The following TMEM132B variants were observed in gnomAD, a reference collection of about 807,000 sequenced individuals.
TMEM132B encodes the protein transmembrane protein 132B.
A neutral mutation model predicts 90.8 loss-of-function variants in TMEM132B; 18 were observed. The observed-to-expected ratio is 0.20, with a 90% CI of 0.14 to 0.29. The LOEUF is 0.29. TMEM132B is among the 10% of genes least tolerant of loss of function. The pLI is 1.00. For missense variants in TMEM132B, 1,096 were observed against 1,326.8 expected, an observed-to-expected ratio of 0.83 and a Z score of 2.70; for synonymous variants, 504 against 523.3, an observed-to-expected ratio of 0.96 and a Z score of 0.50.
intron 1 of TMEM132B, among the ~76,000 whole-genome samples, chr12:125,313,880 G>C (rs1001921466): frequency 6.6e-6 from 1 of 150,748 alleles, no homozygotes; most frequent in African/African-American, 2.4e-5. Context: ...ATTTTGCACC[G>C]GGCCCCGCAT....
intron 1 of TMEM132B, among the ~76,000 whole-genome samples, chr12:125,285,027 C>T (rs1215188028): frequency 6.6e-6 from 1 of 152,158 alleles, no homozygotes; most frequent in African/African-American, 2.4e-5. Context: ...GTAAGATACC[C>T]CACACCATCA....
intron 1 of TMEM132B, among the ~76,000 whole-genome samples, chr12:125,207,469 A>T (rs902181027): frequency 1.3e-5 from 2 of 152,160 alleles, no homozygotes; most frequent in African/African-American, 2.4e-5. Flanking sequence ...AGTGATGGAG[A>T]TCTTCTCTAG....
chr12:125,551,129 G>A (rs772517840), intron 4 of TMEM132B, among the ~76,000 whole-genome samples: 2 of 152,338 alleles, frequency 1.3e-5, no homozygotes, highest in East Asian at 3.9e-4. Flanking sequence ...CTGGTTTAAC[G>A]TGTGTATTCT....
intron 4 of TMEM132B, among the ~76,000 whole-genome samples, chr12:125,539,053 G>A (rs928513235): frequency 1.3e-5 from 2 of 152,108 alleles, no homozygotes; most frequent in South Asian, 2.1e-4. Context: ...TTCCACTCCC[G>A]TGTCATTGTC....
At chr12:125,326,811 C>A in intron 1 of TMEM132B, 1 of 836,422 alleles carries the variant, frequency 1.2e-6, no homozygotes, top group Non-Finnish European at 1.8e-6. Context: ...TCCGTGCACC[C>A]CTTCCTCTTG....
chr12:125,437,936 A>G (rs1247767300), intron 3 of TMEM132B, among the ~76,000 whole-genome samples: 1 of 152,190 alleles, frequency 6.6e-6, no homozygotes, highest in Admixed American at 6.5e-5. Context: ...TGCTTGCTTT[A>G]CAATGGTCAA....
intron 1 of TMEM132B, among the ~76,000 whole-genome samples, chr12:125,206,229 A>G (rs1224474305): frequency 6.6e-6 from 1 of 151,584 alleles, no homozygotes; most frequent in Non-Finnish European, 1.5e-5. Flanking sequence ...GGGGCCTATG[A>G]TTTTTTGTTT....
intron 3 of TMEM132B, among the ~76,000 whole-genome samples, chr12:125,434,470 T>C (rs538493179): frequency 1.4e-5 from 2 of 145,126 alleles, no homozygotes; most frequent in African/African-American, 5.1e-5. Context: ...GTCAGCTGGC[T>C]TCCATCTGGG....
chr12:125,520,949 T>C (rs1883292103), intron 4 of TMEM132B, among the ~76,000 whole-genome samples: 1 of 152,218 alleles, frequency 6.6e-6, no homozygotes, highest in South Asian at 2.1e-4. Flanking sequence ...TTGACCCACA[T>C]TGTGGTTTGA....
chr12:125,324,014 C>G (rs990723190), intron 1 of TMEM132B, among the ~76,000 whole-genome samples: 1 of 152,100 alleles, frequency 6.6e-6, no homozygotes, highest in Admixed American at 6.6e-5. Context: ...GTGAAATTTC[C>G]TTAGAAACAC....
chr12:125,366,794 A>G (rs1337669993), intron 2 of TMEM132B, among the ~76,000 whole-genome samples: 1 of 152,178 alleles, frequency 6.6e-6, no homozygotes, highest in African/African-American at 2.4e-5. Flanking sequence ...TGGAATGTCA[A>G]TTACACATAT....
intron 4 of TMEM132B, among the ~76,000 whole-genome samples, chr12:125,527,308 C>T (rs1883506322): frequency 8.4e-6 from 1 of 119,080 alleles, no homozygotes; most frequent in Non-Finnish European, 1.7e-5. Context: ...CCACCCTCCA[C>T]TCTTCCATCC....
intron 2 of TMEM132B, among the ~76,000 whole-genome samples, chr12:125,358,935 T>G (rs1256697337): frequency 6.6e-6 from 1 of 152,264 alleles, no homozygotes; most frequent in Non-Finnish European, 1.5e-5. Context: ...GTGAATATTG[T>G]AGAAGAATCT....
intron 1 of TMEM132B, among the ~76,000 whole-genome samples, chr12:125,243,381 A>G (rs2136095008): frequency 6.7e-6 from 1 of 150,236 alleles, no homozygotes. Flanking sequence ...ATCTTGGCTC[A>G]CTGCAACCTC....
chr12:125,279,777 A>C (rs994389697), intron 1 of TMEM132B, among the ~76,000 whole-genome samples: 6 of 152,322 alleles, frequency 3.9e-5, no homozygotes, highest in African/African-American at 1.4e-4. Context: ...AACATATGAG[A>C]GTGGTCTTGA....
chr12:125,192,799 C>T (rs1263076649), intron 1 of TMEM132B, among the ~76,000 whole-genome samples: 6 of 152,320 alleles, frequency 3.9e-5, no homozygotes, highest in South Asian at 4.1e-4. Context: ...TTTACAAATT[C>T]AGAGATGTCA....
chr12:125,243,704 C>T lies in TMEM132B; in HGVS notation c.67+56838C>T, dbSNP rs1035436209. On this transcript the variant is annotated intron_variant, in intron 1 of 8. Coordinates refer to ENST00000682704, the MANE Select transcript of TMEM132B (RefSeq NM_001366854.1). The stretch of plus-strand genomic sequence containing the variant: ...CAATAGGTAGTTTTTCCAGCCCTTT[C>T]CCCCCATCCCTCTTCCGTCATAGTC... Among the ~76,000 whole-genome samples the T allele has an allele frequency of 7.9e-5, 12 of 151,242 alleles. No individual in the cohort carries two copies. The South Asian group carries it at 1.0e-3, about 13-fold the overall frequency.
intron 2 of TMEM132B, among the ~76,000 whole-genome samples, chr12:125,368,221 A>T (rs1289357099): frequency 6.6e-6 from 1 of 152,018 alleles, no homozygotes; most frequent in African/African-American, 2.4e-5. Context: ...ATGGTCTCTT[A>T]ATTTGGGTTT....
intron 2 of TMEM132B, among the ~76,000 whole-genome samples, chr12:125,384,999 T>A (rs1217946341): frequency 1.3e-5 from 2 of 152,044 alleles, no homozygotes; most frequent in Non-Finnish European, 2.9e-5. Context: ...TCCTCTCAGC[T>A]CCCCCAGACC....
Sources: gnomAD v4.1 joint callset for allele counts (sites outside exome capture counted in the v4.1 genomes callset) on GRCh38, gnomAD v4.1.1 for gene constraint, MANE v1.5 for transcripts, NCBI Gene and HGNC (gene_info 2026-07-23, HGNC 2026-07-21) for gene names.